ADCY9: variants seen among roughly 807,000 people sequenced by gnomAD.
ADCY9 encodes the protein adenylate cyclase 9, also known as adenylate cyclase type 9.
In ADCY9, 50 loss-of-function variants were observed where a neutral mutation model predicts 101.5. The ratio of observed to expected loss-of-function variants is 0.49; its 90% CI spans 0.39 to 0.62. The LOEUF (loss-of-function observed/expected upper bound fraction) is 0.62, where lower values mean the gene tolerates loss of function less well. Ranked by LOEUF, ADCY9 falls within the 20% of genes least tolerant of loss-of-function variation. ADCY9 has a pLI of 0.00. For synonymous variants in ADCY9, 905 were observed against 769.3 expected (o/e 1.18, Z -2.92); for missense variants, 1,662 against 1,800.4 (o/e 0.92, Z 1.39).
intron 2 of ADCY9, among the ~76,000 whole-genome samples, chr16:4,053,083 G>A (rs907977735): frequency 2.6e-5 from 4 of 152,306 alleles, no homozygotes; most frequent in South Asian, 2.1e-4. Flanking sequence ...CATGTCACAC[G>A]TAAACGATAG....
In ADCY9 at chr16:4,114,726, G is replaced by A. The variant is rs1214906079; in HGVS notation, c.717C>T (p.His239=). 6.2e-7 allele frequency: 1 copy of A among 1,613,192 alleles called. No homozygotes were observed. The highest frequency in any genetic ancestry group is 8.5e-7 in the Non-Finnish European group (1 of 1,180,044). ...EVLFLLYTVM[H]LPLYLSLCLG... is the part of the protein sequence containing the mutation. ...GACACAAACTCAGGTACAAAGGTAA[G>A]TGCATGACGGTATAGAGCAAAAAGA... is the stretch of plus-strand genomic sequence containing the variant. Residue 239 remains histidine, a synonymous_variant, in exon 2 of 11, where the codon CAC becomes CAT. Transcript: ENST00000294016. The surrounding 1 kb of genome is among the most constrained non-coding windows in gnomAD (Gnocchi z 4.3).
intron 2 of ADCY9, among the ~76,000 whole-genome samples, chr16:4,073,594 C>A (rs927530355): frequency 1.3e-5 from 2 of 152,132 alleles, no homozygotes; most frequent in Non-Finnish European, 2.9e-5. Context: ...CAGGGTTTTG[C>A]CATGTTGGCC....
At chr16:4,079,787 G>A (rs1252368694) in intron 2 of ADCY9, among the ~76,000 whole-genome samples, 4 of 151,574 alleles carry the variant, frequency 2.6e-5, no homozygotes, top group Admixed American at 1.3e-4. Context: ...GATATATATC[G>A]TATATGCACT....
At chr16:4,014,568 C>T (rs2056425406) in intron 2 of ADCY9, among the ~76,000 whole-genome samples, 1 of 151,744 alleles carries the variant, frequency 6.6e-6, no homozygotes. Context: ...CTGCCTCAGC[C>T]TCCTGAGTAG....
Position 3,977,520 on chromosome 16 carries a change from C to T in ADCY9, c.2790G>A (p.Gly930=). 6.3e-7 allele frequency: 1 copy of T among 1,588,072 alleles called. No individual in the cohort carries two copies. The highest frequency in any genetic ancestry group is 8.6e-7 in the Non-Finnish European group (1 of 1,167,436). The change falls in exon 9 of 11, where the codon GGG becomes GGA. Residue 930 remains glycine (G), a synonymous_variant. Coordinates refer to ENST00000294016, the MANE Select transcript of ADCY9 (RefSeq NM_001116.4). ...GGGAGACGTAGAGCAGGAGCAGCGGCCCGGCCCCCACGACGGTGGCGAGGG... is the reference window on the plus strand; with the variant it reads ...GGGAGACGTAGAGCAGGAGCAGCGGTCCGGCCCCCACGACGGTGGCGAGGG... The part of the protein sequence containing the change: ...RSSLATVVGA[G]PLLLLYVSLC...
chr16:4,094,766 G>A (rs894962521), intron 2 of ADCY9, among the ~76,000 whole-genome samples: 1 of 152,042 alleles, frequency 6.6e-6, no homozygotes, highest in Admixed American at 6.5e-5. Flanking sequence ...GGCAAAGGAG[G>A]AAAAGCTTTC....
intron 10 of ADCY9, among the ~76,000 whole-genome samples, chr16:3,968,931 C>T (rs977440386): frequency 3.9e-5 from 6 of 152,114 alleles, no homozygotes; most frequent in East Asian, 1.9e-4. Context: ...CCACAAACTC[C>T]GCCTCCTGGG....
At chr16:3,954,990 A>G (rs1171092585) in intron 5 of ADCY9, among the ~76,000 whole-genome samples, 1 of 152,188 alleles carries the variant, frequency 6.6e-6, no homozygotes, top group East Asian at 1.9e-4. Context: ...TCATTCTGCC[A>G]GTATAACAGA....
Position 4,108,306 on chromosome 16 carries a change from G to A in ADCY9, c.1693+5444C>T, listed in dbSNP as rs967857093. On this transcript the variant is annotated intron_variant, in intron 2 of 10. Coordinates refer to ENST00000294016, the MANE Select transcript of ADCY9 (RefSeq NM_001116.4). ...CAGCCACGGTTCCCTCAGGCCTAGC[G>A]GTTTCATCCCAAATGCTGTGGAAGG... 1.1e-4 allele frequency among the ~76,000 whole-genome samples: 16 copies of A among 149,910 alleles called. No homozygotes were observed. The East Asian group carries it at 2.2e-3, about 20-fold the overall frequency.
At chr16:3,985,366 G>A (rs542583333) in intron 6 of ADCY9, among the ~76,000 whole-genome samples, 4 of 152,122 alleles carry the variant, frequency 2.6e-5, no homozygotes, top group South Asian at 4.1e-4. Context: ...TCTCTATCTC[G>A]ACCTCGTGAT....
At chr16:4,071,010 C>G (rs1178376590) in intron 2 of ADCY9, among the ~76,000 whole-genome samples, 1 of 151,514 alleles carries the variant, frequency 6.6e-6, no homozygotes, top group Non-Finnish European at 1.5e-5. Context: ...CTTTTCTTGA[C>G]CCATCAAAGA....
chr16:4,070,633 T>C (rs149811509), intron 2 of ADCY9, among the ~76,000 whole-genome samples: 41 of 151,922 alleles, frequency 2.7e-4, no homozygotes, highest in African/African-American at 9.2e-4. Flanking sequence ...CTGGGCAACA[T>C]AGAGAGATCC....
intron 2 of ADCY9, among the ~76,000 whole-genome samples, chr16:4,012,921 G>T (rs1008779496): frequency 2.0e-5 from 3 of 152,042 alleles, no homozygotes; most frequent in Non-Finnish European, 4.4e-5. Context: ...GATACCCTCA[G>T]CCACCAAGAA....
intron 2 of ADCY9, among the ~76,000 whole-genome samples, chr16:4,098,461 C>T (rs927860200): frequency 4.0e-5 from 6 of 151,520 alleles, no homozygotes; most frequent in African/African-American, 1.2e-4. Context: ...CTCAAACTCC[C>T]GACCTCAGGT....
intron 4 of ADCY9, 121 bp downstream of exon 4, chr16:3,993,285 G>C: frequency 5.4e-6 from 8 of 1,491,252 alleles, no homozygotes; most frequent in Non-Finnish European, 6.3e-6. Flanking sequence ...CCGCGGGTGC[G>C]GAGTGCTGTT....
chr16:3,956,506 G>T (rs866251737), intron 5 of ADCY9, among the ~76,000 whole-genome samples: 91 of 10,936 alleles, frequency 8.3e-3, no homozygotes, highest in Non-Finnish European at 0.022. Flanking sequence ...TTTTTTTTGG[G>T]GGGGGATGGA....
chr16:3,985,807 G>C (rs2056187359), intron 6 of ADCY9, among the ~76,000 whole-genome samples: 1 of 152,066 alleles, frequency 6.6e-6, no homozygotes. Flanking sequence ...CTACTTGCCA[G>C]AGACACCTGT....
chr16:4,077,139 C>T (rs1019882070), intron 2 of ADCY9, among the ~76,000 whole-genome samples: 1 of 151,714 alleles, frequency 6.6e-6, no homozygotes, highest in Admixed American at 6.6e-5. Flanking sequence ...AGCATGCGGA[C>T]TCACTGGACT....
intron 2 of ADCY9, among the ~76,000 whole-genome samples, chr16:4,062,800 A>G (rs2056780412): frequency 6.6e-6 from 1 of 152,238 alleles, no homozygotes; most frequent in Non-Finnish European, 1.5e-5. Flanking sequence ...GGAATATATA[A>G]AAACATAAAT....
Sources: gnomAD v4.1 joint callset for allele counts (sites outside exome capture counted in the v4.1 genomes callset) on GRCh38, gnomAD v4.1.1 for gene constraint, Gnocchi (gnomAD v3.1) non-coding constraint, MANE v1.5 for transcripts, NCBI Gene and HGNC (gene_info 2026-07-23, HGNC 2026-07-21) for gene names.